Variants in TNRC6A observed in about 807,000 individuals in gnomAD.
TNRC6A encodes trinucleotide repeat-containing gene 6A protein.
A neutral mutation model predicts 221.2 loss-of-function variants in TNRC6A; 44 were observed. The observed-to-expected ratio is 0.20, with a 90% CI of 0.16 to 0.26. The LOEUF (loss-of-function observed/expected upper bound fraction) is 0.26. Ranked by LOEUF, TNRC6A falls within the 10% of genes least tolerant of loss-of-function variation. The probability of loss-of-function intolerance (pLI) is 1.00; values close to 1 mark genes in which losing one functional copy is unlikely to be tolerated. For missense variants in TNRC6A, 2,199 were observed against 2,404.4 expected (o/e 0.91, Z 1.79); for synonymous variants, 847 against 838.5 (o/e 1.01, Z -0.18).
intron 1 of TNRC6A, among the ~76,000 whole-genome samples, chr16:24,628,980 G>C (rs546934670): frequency 6.6e-6 from 1 of 152,252 alleles, no homozygotes; most frequent in East Asian, 1.9e-4. Context: ...GAGCTTTAGT[G>C]CATAGACAAG....
intron 2 of TNRC6A, among the ~76,000 whole-genome samples, chr16:24,693,719 G>A (rs1057315941): frequency 2.6e-5 from 4 of 152,086 alleles, no homozygotes; most frequent in Admixed American, 2.0e-4. Context: ...GGGCAACATG[G>A]CAAAACCCCA....
intron 4 of TNRC6A, among the ~76,000 whole-genome samples, chr16:24,771,426 G>A (rs1235468574): frequency 6.6e-6 from 1 of 151,980 alleles, no homozygotes; most frequent in Non-Finnish European, 1.5e-5. Flanking sequence ...TTCTTGTCCT[G>A]GGACAGTTTA....
intron 2 of TNRC6A, among the ~76,000 whole-genome samples, chr16:24,700,375 A>G (rs897254717): frequency 6.6e-6 from 1 of 152,010 alleles, no homozygotes; most frequent in Non-Finnish European, 1.5e-5. Flanking sequence ...AGCTGGGACT[A>G]CAGACGCATG....
intron 1 of TNRC6A, among the ~76,000 whole-genome samples, chr16:24,630,132 C>G (rs1392265185): frequency 6.6e-6 from 1 of 152,166 alleles, no homozygotes; most frequent in East Asian, 1.9e-4. Context: ...CTTCCCACTA[C>G]CAGATCTACC....
At chr16:24,679,303 T>C (rs1054399942) in intron 2 of TNRC6A, among the ~76,000 whole-genome samples, 5 of 151,144 alleles carry the variant, frequency 3.3e-5, no homozygotes, top group African/African-American at 1.2e-4. Flanking sequence ...GGCCAAGACA[T>C]TGAATTTTTT....
intron 4 of TNRC6A, among the ~76,000 whole-genome samples, chr16:24,767,581 T>C (rs906338314): frequency 6.6e-6 from 1 of 152,240 alleles, no homozygotes; most frequent in African/African-American, 2.4e-5. Context: ...TGAGAAAACA[T>C]ACCATTTTTC....
chr16:24,793,952 A>ATC (rs1161164944), intron 7 of TNRC6A, among the ~76,000 whole-genome samples: 1 of 152,200 alleles, frequency 6.6e-6, no homozygotes, highest in African/African-American at 2.4e-5. Flanking sequence ...CTTTCATGCC[A>ATC]TCCAGCCTGA....
Position 24,677,373 on chromosome 16 carries a change from G to C in TNRC6A, n.402+36364G>C, listed in dbSNP as rs1414785667. On this transcript the variant is annotated intron_variant and non_coding_transcript_variant, in intron 2 of 2. Transcript: ENST00000566108. ...AGACGGGGTTTTGCCAGGTTGGCCA[G>C]GCTGGTCTAAAACTCCTGACCTCAA... 2.6e-4 allele frequency among the ~76,000 whole-genome samples: 40 copies of C among 152,076 alleles called. 1 individual carries two copies. The highest frequency in any genetic ancestry group is 2.6e-3 in the Admixed American group (40 of 15,252).
intron 14 of TNRC6A, 34 bp from the exon 15 acceptor site, chr16:24,805,571 A>G (rs780780864): frequency 3.1e-6 from 5 of 1,612,290 alleles, no homozygotes; most frequent in South Asian, 1.1e-5. Flanking sequence ...GAGTTATTTT[A>G]TCAAGATCAT....
At chr16:24,742,926 G>A (rs575978091) in intron 2 of TNRC6A, among the ~76,000 whole-genome samples, 210 of 152,252 alleles carry the variant, frequency 1.4e-3, no homozygotes, top group African/African-American at 4.8e-3. Context: ...GCGAGATGCT[G>A]TCTCAAATAA....
chr16:24,788,508 GA>G (rs1483986837), intron 5 of TNRC6A, among the ~76,000 whole-genome samples: 3 of 152,138 alleles, frequency 2.0e-5, no homozygotes, highest in Non-Finnish European at 4.4e-5. Context: ...ACAGAGGGTG[GA>G]AAAATATTTC....
Position 24,794,551 on chromosome 16 carries a change from A to G in TNRC6A, c.3360A>G (p.Lys1120=). 1 of 1,609,440 alleles carries G rather than the reference A, an allele frequency of 6.2e-7. No individual in the cohort carries two copies. The highest frequency in any genetic ancestry group is 8.5e-7 in the Non-Finnish European group (1 of 1,178,750). The stretch of plus-strand genomic sequence containing the variant: ...TCACAAATCCACAATCAGGGCCAAA[A>G]TCTATGCAAGATGGCTGGTGTGGTG... The part of the protein sequence containing the change: ...GPQALSKSGP[K]SMQDGWCGDD... Residue 1120 remains lysine, a synonymous_variant, in exon 8 of 25, where the codon AAA becomes AAG. Coordinates refer to ENST00000395799, the MANE Select transcript of TNRC6A (RefSeq NM_014494.4).
chr16:24,720,451 G>T (rs887949572), intron 2 of TNRC6A, among the ~76,000 whole-genome samples: 13 of 152,048 alleles, frequency 8.5e-5, no homozygotes, highest in African/African-American at 3.1e-4. Context: ...CACTTTGGGA[G>T]GCCAAGACAG....
In TNRC6A at chr16:24,804,866, G is replaced by A. The variant is rs1384128358; in HGVS notation, c.3984+15G>A. ...CTGTTAGACAGGTAAGTCCAGATGT[G>A]TATTTTAGGCTCTCAGTTGAATGAT... On this transcript the variant is annotated intron_variant, in intron 13 of 24. Coordinates refer to ENST00000395799, the MANE Select transcript of TNRC6A (RefSeq NM_014494.4). The A allele has an allele frequency of 6.2e-7, 1 of 1,613,496 alleles. No homozygotes were observed. Among genetic ancestry groups the A allele is most frequent in the South Asian group, 1.1e-5 (1 of 90,894 alleles).
At chr16:24,795,811 C>A in intron 8 of TNRC6A, 96 bp from the exon 9 acceptor site, 1 of 1,233,858 alleles carries the variant, frequency 8.1e-7, no homozygotes, top group Non-Finnish European at 1.1e-6. Flanking sequence ...AACTAGTAAG[C>A]GACAGAGTAA....
At chr16:24,743,278 G>A (rs981797577) in intron 2 of TNRC6A, among the ~76,000 whole-genome samples, 8 of 152,194 alleles carry the variant, frequency 5.3e-5, no homozygotes, top group Admixed American at 5.2e-4. Flanking sequence ...TGTTTTCTAA[G>A]TTTCTAAACT....
intron 1 of TNRC6A, among the ~76,000 whole-genome samples, 191 bp downstream of exon 1, chr16:24,730,037 G>C (rs1187094944): frequency 1.4e-5 from 2 of 148,004 alleles, no homozygotes; most frequent in Non-Finnish European, 3.0e-5. Flanking sequence ...GCTGCGCCGC[G>C]CCGCGGGGGC....
In TNRC6A at chr16:24,790,744, A is replaced by G; in HGVS notation, c.2102A>G (p.His701Arg). ...QSRDRRKIDQ[H>R]TLLQSIVNRT... is the part of the protein sequence containing the mutation. ...AGAGACAGAAGAAAAATTGATCAGC[A>G]CACATTACTCCAAAGCATTGTAAAC... Residue 701 changes from histidine (H) to arginine (R), a missense_variant, in exon 6 of 25, where the codon CAC becomes CGC. By Grantham distance (29) the His-to-Arg change is conservative. This residue lies in a region of TNRC6A where 1,405 missense variants were observed against 1,400.2 expected (regional missense o/e 1.00). Coordinates refer to ENST00000395799, the MANE Select transcript of TNRC6A (RefSeq NM_014494.4). 6.2e-7 allele frequency: 1 copy of G among 1,614,030 alleles called. No homozygotes were observed. Among genetic ancestry groups the G allele is most frequent in the East Asian group, 2.2e-5 (1 of 44,896 alleles).
At chr16:24,817,724 A>C (rs1422809317) in intron 20 of TNRC6A, among the ~76,000 whole-genome samples, 1 of 152,190 alleles carries the variant, frequency 6.6e-6, no homozygotes, top group African/African-American at 2.4e-5. Flanking sequence ...TTTATAAAGC[A>C]CATGTGAAGC....
Sources: allele counts gnomAD v4.1 joint callset (sites outside exome capture counted in the v4.1 genomes callset), GRCh38; gene constraint gnomAD v4.1.1; regional missense constraint gnomAD v4.1.1; transcripts MANE v1.5; gene names NCBI Gene and HGNC (gene_info 2026-07-23, HGNC 2026-07-21).